The following PDE8A variants were observed in gnomAD, a reference collection of about 807,000 sequenced individuals.
PDE8A encodes the protein high affinity cAMP-specific and IBMX-insensitive 3',5'-cyclic phosphodiesterase 8A.
A neutral mutation model predicts 105.0 loss-of-function variants in PDE8A; 59 were observed. The ratio of observed to expected loss-of-function variants is 0.56; its 90% CI spans 0.46 to 0.70. The LOEUF (loss-of-function observed/expected upper bound fraction) is 0.70, where lower values mean the gene tolerates loss of function less well. PDE8A is among the 30% of genes least tolerant of loss of function. The probability of loss-of-function intolerance (pLI) is 0.00; values close to 1 mark genes in which losing one functional copy is unlikely to be tolerated. For missense variants in PDE8A, 1,014 were observed against 1,045.9 expected (o/e 0.97, Z 0.42); for synonymous variants, 355 against 371.9 (o/e 0.95, Z 0.52).
intron 7 of PDE8A, 73 bp downstream of exon 7, chr15:85,089,489 C>A: frequency 1.3e-6 from 1 of 752,418 alleles, no homozygotes. Flanking sequence ...TTGAACCTCT[C>A]CAATATGATT....
chr15:85,034,799 C>A (rs1005725864), intron 1 of PDE8A, among the ~76,000 whole-genome samples: 10 of 152,170 alleles, frequency 6.6e-5, no homozygotes, highest in Non-Finnish European at 1.3e-4. Flanking sequence ...GAACCTCTCA[C>A]CTTGGCTTCC....
At chr15:85,026,376 C>T (rs1306863464) in intron 1 of PDE8A, among the ~76,000 whole-genome samples, 1 of 152,096 alleles carries the variant, frequency 6.6e-6, no homozygotes, top group African/African-American at 2.4e-5. Context: ...ATGACCAGAA[C>T]ACCTACATGT....
intron 3 of PDE8A, among the ~76,000 whole-genome samples, chr15:85,074,298 C>A (rs979339316): frequency 1.3e-5 from 2 of 152,210 alleles, no homozygotes; most frequent in Non-Finnish European, 2.9e-5. Context: ...GTGTGACTGC[C>A]TTTGTGCTAC....
intron 1 of PDE8A, among the ~76,000 whole-genome samples, chr15:84,997,532 T>C (rs1335267942): frequency 6.6e-6 from 1 of 152,052 alleles, no homozygotes; most frequent in Non-Finnish European, 1.5e-5. Context: ...GCAGCCATTT[T>C]CCCGTTTTAT....
intron 1 of PDE8A, among the ~76,000 whole-genome samples, chr15:85,018,334 C>G (rs945871736): frequency 6.6e-6 from 1 of 152,196 alleles, no homozygotes; most frequent in Non-Finnish European, 1.5e-5. Context: ...CACTCATTTA[C>G]TGATTTCTTC....
chr15:85,121,108 T>C (rs2082174715), intron 18 of PDE8A, 94 bp downstream of exon 18: 3 of 797,116 alleles, frequency 3.8e-6, no homozygotes, highest in Non-Finnish European at 3.9e-6. Context: ...AGTTCACCCA[T>C]TTAAAGTGCA....
At chr15:85,004,976 G>T (rs1283724886) in intron 1 of PDE8A, among the ~76,000 whole-genome samples, 1 of 150,490 alleles carries the variant, frequency 6.6e-6, no homozygotes, top group East Asian at 2.0e-4. Context: ...ACTCAACATA[G>T]TCCATATGAT....
At chr15:85,117,555 A>C (rs1473695711) in intron 16 of PDE8A, 86 bp from the exon 17 acceptor site, 10 of 1,148,602 alleles carry the variant, frequency 8.7e-6, no homozygotes, top group Non-Finnish European at 1.3e-5. Flanking sequence ...ACTCTCTGAA[A>C]TTTGGCTTGG....
At chr15:85,038,216 GGTGTGTGTGTGT>G (rs773765859) in intron 1 of PDE8A, among the ~76,000 whole-genome samples, 5 of 48,292 alleles carry the variant, frequency 1.0e-4, no homozygotes, top group African/African-American at 2.0e-4. Context: ...CCAATTGGGG[GGTGTGTGTGTGT>G]GTGTGTGTGT....
At chr15:85,101,598 C>T (rs1018271775) in intron 11 of PDE8A, among the ~76,000 whole-genome samples, 2 of 152,100 alleles carry the variant, frequency 1.3e-5, no homozygotes, top group African/African-American at 4.8e-5. Context: ...CAGGGAGCAG[C>T]GTGATGACAT....
chr15:85,059,892 C>A (rs1449898444), intron 1 of PDE8A, among the ~76,000 whole-genome samples: 1 of 152,192 alleles, frequency 6.6e-6, no homozygotes, highest in Non-Finnish European at 1.5e-5. Flanking sequence ...CCTGTAGTCT[C>A]AGCTACTCGG....
chr15:85,014,691 C>G (rs936347428), intron 1 of PDE8A, among the ~76,000 whole-genome samples: 13 of 152,034 alleles, frequency 8.6e-5, no homozygotes, highest in African/African-American at 2.9e-4. Flanking sequence ...ACATAGTACT[C>G]TTGATTTGCT....
Position 85,120,928 on chromosome 15 carries a change from T to A in PDE8A, c.1866T>A (p.Thr622=), listed in dbSNP as rs1180160711. The change falls in exon 18 of 22, where the codon ACT becomes ACA. Residue 622 remains threonine, a synonymous_variant. Coordinates refer to ENST00000394553, the MANE Select transcript of PDE8A (RefSeq NM_002605.3). ...AGCTGGCCATTTTGTACAATGACAC[T>A]GCTGTGCTGGAGAGCCACCATGCGG... ...GSELAILYND[T]AVLESHHAAL... is the part of the protein sequence containing the mutation. The A allele has an allele frequency of 2.5e-6, 4 of 1,614,030 alleles. No individual in the cohort carries two copies. The highest frequency in any genetic ancestry group is 3.4e-6 in the Non-Finnish European group (4 of 1,179,974).
intron 17 of PDE8A, 186 bp from the exon 18 acceptor site, chr15:85,120,611 C>G (rs941428681): frequency 7.4e-6 from 4 of 538,900 alleles, no homozygotes; most frequent in South Asian, 2.7e-5. Flanking sequence ...GTGAGACTAA[C>G]AAATATGCAG....
intron 1 of PDE8A, among the ~76,000 whole-genome samples, chr15:85,062,076 A>T (rs191992877): frequency 1.2e-3 from 185 of 152,012 alleles, no homozygotes; most frequent in African/African-American, 4.2e-3. Context: ...TGTCTAGTAG[A>T]TCTGCCATTA....
rs190741561 is a variant in PDE8A, at chr15:84,983,792, C to G, written c.186+1444C>G. ...TGATAATTTCAGATTACCAAAGTAGCCCTTTTATAGTGAGGGGCCTTTGTG... is the reference window on the plus strand; with the variant it reads ...TGATAATTTCAGATTACCAAAGTAGGCCTTTTATAGTGAGGGGCCTTTGTG... On this transcript the variant is annotated intron_variant, in intron 1 of 21. Coordinates refer to ENST00000394553, the MANE Select transcript of PDE8A (RefSeq NM_002605.3). Among the ~76,000 whole-genome samples the G allele has an allele frequency of 5.3e-5, 8 of 152,318 alleles. No homozygotes were observed. The South Asian group carries it at 6.2e-4, about 12-fold the overall frequency.
intron 9 of PDE8A, 143 bp from the exon 10 acceptor site, chr15:85,099,872 C>G: frequency 1.5e-6 from 1 of 672,282 alleles, no homozygotes. Context: ...TTATTGGTGG[C>G]CTTGGTCACA....
upstream of PDE8A, among the ~76,000 whole-genome samples, chr15:84,981,425 G>A (rs1020202869): frequency 2.6e-5 from 4 of 152,176 alleles, no homozygotes; most frequent in African/African-American, 9.6e-5. Flanking sequence ...ACTCCTGGGT[G>A]CGCGCAGCCG....
At chr15:85,128,846 C>T (rs1218443508) in intron 20 of PDE8A, among the ~76,000 whole-genome samples, 2 of 152,144 alleles carry the variant, frequency 1.3e-5, no homozygotes, top group African/African-American at 4.8e-5. Context: ...CACTACACAC[C>T]CAATGGGATG....
Sources: gnomAD v4.1 joint callset for allele counts (sites outside exome capture counted in the v4.1 genomes callset) on GRCh38, gnomAD v4.1.1 for gene constraint, MANE v1.5 for transcripts, NCBI Gene and HGNC (gene_info 2026-07-23, HGNC 2026-07-21) for gene names.